Variants in C11orf65 observed in about 807,000 individuals in gnomAD.
C11orf65 encodes the protein protein MFI.
A neutral mutation model predicts 35.3 loss-of-function variants in C11orf65; 38 were observed. The ratio of observed to expected loss-of-function variants is 1.08; its 90% CI spans 0.83 to 1.41. The LOEUF is 1.41. C11orf65 is among the 40% of genes most tolerant of loss of function. C11orf65 has a pLI of 0.00. For synonymous variants in C11orf65, 105 were observed against 114.4 expected (o/e 0.92, Z 0.53); for missense variants, 370 against 367.1 (o/e 1.01, Z -0.06).
intron 6 of C11orf65, chr11:108,317,283 A>T: frequency 7.3e-7 from 1 of 1,378,332 alleles, no homozygotes; most frequent in Non-Finnish European, 1.0e-6. Context: ...AAATTTGTCT[A>T]AGTTAATTTG....
At chr11:108,368,561 A>G in intron 2 of C11orf65, 1 of 217,952 alleles carries the variant, frequency 4.6e-6, no homozygotes, top group Non-Finnish European at 9.2e-6. Context: ...TATAAGTACA[A>G]GTGTAATATG....
intron 2 of C11orf65, among the ~76,000 whole-genome samples, chr11:108,352,615 G>C (rs1174083091): frequency 6.6e-6 from 1 of 152,174 alleles, no homozygotes; most frequent in Non-Finnish European, 1.5e-5. Flanking sequence ...CTACAAATGT[G>C]TATAGCAGCT....
intron 7 of C11orf65, among the ~76,000 whole-genome samples, chr11:108,388,211 T>C (rs571189153): frequency 9.2e-5 from 14 of 152,286 alleles, no homozygotes; most frequent in Middle Eastern, 3.4e-3. Flanking sequence ...ACACTTACCA[T>C]AGCTAGGCCC....
chr11:108,330,439 C>A (rs2136466548), downstream of C11orf65: 1 of 1,612,148 alleles, frequency 6.2e-7, no homozygotes, highest in Non-Finnish European at 8.5e-7. Flanking sequence ...TTACTCAGCC[C>A]AATATTCTAC....
At chr11:108,448,521 CA>C (rs1371313833) in intron 2 of C11orf65, among the ~76,000 whole-genome samples, 1 of 152,054 alleles carries the variant, frequency 6.6e-6, no homozygotes, top group African/African-American at 2.4e-5. Context: ...TAAACAGAAC[CA>C]AAGACAAAAA....
chr11:108,383,198 T>C, intron 8 of C11orf65, 23 bp from the exon 9 acceptor site: 1 of 1,534,492 alleles, frequency 6.5e-7, no homozygotes, highest in Non-Finnish European at 8.8e-7. Context: ...GACAAATGAT[T>C]AGAAAGATAC....
rs150232009 is a variant in C11orf65 at position 108,398,624 on chromosome 11, C to T, written c.561-5246G>A. 3.5e-3 allele frequency among the ~76,000 whole-genome samples: 530 copies of T among 152,298 alleles called. 4 individuals are homozygous for T. Among genetic ancestry groups the T allele is most frequent in the African/African-American group, 0.011 (462 of 41,558 alleles). ...ATGTGCATTGGCTTATCACCAGATGCTGTTTCCCAGCTAGTAATGTGACGG... is the reference window on the plus strand; with the variant it reads ...ATGTGCATTGGCTTATCACCAGATGTTGTTTCCCAGCTAGTAATGTGACGG... On this transcript the variant is annotated intron_variant, in intron 6 of 8. Transcript: ENST00000393084.
rs184362059 is a variant in C11orf65, at chr11:108,443,610, A to G, written c.82-11772T>C. 1.9e-3 allele frequency among the ~76,000 whole-genome samples: 284 copies of G among 152,268 alleles called. 1 individual carries two copies. Among genetic ancestry groups the G allele is most frequent in the African/African-American group, 6.6e-3 (276 of 41,564 alleles). ...CAAATGTAAAAGAACAGAAATTATA[A>G]CAAACTGTCTCTCAGACCACAGTGA... is the stretch of plus-strand genomic sequence containing the variant. On this transcript the variant is annotated intron_variant, in intron 2 of 8. Transcript: ENST00000393084.
intron 3 of C11orf65, among the ~76,000 whole-genome samples, chr11:108,426,792 C>A (rs1387465046): frequency 1.3e-5 from 2 of 152,040 alleles, no homozygotes; most frequent in Admixed American, 1.3e-4. Flanking sequence ...GTACTGATAC[C>A]AAAACAGATA....
intron 3 of C11orf65, among the ~76,000 whole-genome samples, chr11:108,414,219 T>C (rs894781432): frequency 7.9e-5 from 12 of 151,990 alleles, no homozygotes; most frequent in African/African-American, 2.7e-4. Context: ...ATATCAGAAA[T>C]GGTCCTTGTC....
downstream of C11orf65, chr11:108,331,374 T>G: frequency 6.4e-7 from 1 of 1,555,632 alleles, no homozygotes; most frequent in Non-Finnish European, 8.7e-7. Flanking sequence ...TTAAAATAAC[T>G]TACTTGCTTA....
chr11:108,403,259 A>T (rs2092471837), intron 6 of C11orf65, among the ~76,000 whole-genome samples: 1 of 152,170 alleles, frequency 6.6e-6, no homozygotes, highest in Admixed American at 6.5e-5. Context: ...GTGGGTGTGT[A>T]GGGGTATCTC....
Position 108,448,656 on chromosome 11 carries a change from T to G in C11orf65, c.81+12823A>C, listed in dbSNP as rs182885338. 2.6e-3 allele frequency among the ~76,000 whole-genome samples: 391 copies of G among 152,310 alleles called. 2 individuals carry two copies. The highest frequency in any genetic ancestry group is 8.2e-3 in the African/African-American group (339 of 41,566). On this transcript the variant is annotated intron_variant, in intron 2 of 8. Transcript: ENST00000393084. ...ATCTCAAAATAATAAGAGATATCTA[T>G]GACAATCCCACAGCCAATATCATAC...
intron 2 of C11orf65, among the ~76,000 whole-genome samples, chr11:108,452,690 C>T (rs2093364202): frequency 6.6e-6 from 1 of 152,146 alleles, no homozygotes; most frequent in African/African-American, 2.4e-5. Flanking sequence ...GCTATAAAGA[C>T]ACATGCACAC....
Position 108,340,056 on chromosome 11 carries a change from G to A in C11orf65, c.227-4764C>T, listed in dbSNP as rs2087340257. 3.3e-5 allele frequency: 5 copies of A among 152,126 alleles called. No individual in the cohort carries two copies. The South Asian group carries it at 1.0e-3, about 31-fold the overall frequency. 9.4% of individuals were successfully genotyped at this position (152,126 alleles called of 1,614,324 possible). A position where few individuals can be genotyped will look rare whatever the true frequency, so the allele number is the denominator to read the frequency against. On this transcript the variant is annotated intron_variant, in intron 2 of 3. Coordinates refer to the C11orf65 transcript ENST00000524755. ...TCCTTAAGGTGTTCACATTCTAATA[G>A]GGAAAATAAACATAATAAACATAAT...
chr11:108,384,572 G>A (rs546680898), intron 8 of C11orf65, among the ~76,000 whole-genome samples: 9 of 152,036 alleles, frequency 5.9e-5, no homozygotes, highest in East Asian at 1.9e-4. Flanking sequence ...GGCAGATCAC[G>A]AGTCCAGCCT....
intron 2 of C11orf65, among the ~76,000 whole-genome samples, chr11:108,345,553 T>G (rs2137015139): frequency 6.6e-6 from 1 of 152,284 alleles, no homozygotes; most frequent in East Asian, 1.9e-4. Flanking sequence ...CAACAATTAA[T>G]ATGGAAATCC....
At chr11:108,463,123 C>A (rs1237465409) in intron 1 of C11orf65, among the ~76,000 whole-genome samples, 1 of 152,104 alleles carries the variant, frequency 6.6e-6, no homozygotes, top group Non-Finnish European at 1.5e-5. Flanking sequence ...GAGACCATGT[C>A]TCTAAAAATA....
At chr11:108,374,822 G>A (rs934975867) in intron 2 of C11orf65, among the ~76,000 whole-genome samples, 6 of 152,156 alleles carry the variant, frequency 3.9e-5, no homozygotes, top group Middle Eastern at 3.2e-3. Context: ...GCCAAGGCTC[G>A]AAAACTACGT....
Sources: gnomAD v4.1 joint callset for allele counts (sites outside exome capture counted in the v4.1 genomes callset) on GRCh38, gnomAD v4.1.1 for gene constraint, MANE v1.5 for transcripts, NCBI Gene and HGNC (gene_info 2026-07-23, HGNC 2026-07-21) for gene names.